Variants in FBXL7 observed in about 807,000 individuals in gnomAD.
The protein encoded by FBXL7 is F-box and leucine rich repeat protein 7, also known as F-box/LRR-repeat protein 7.
FBXL7 carries 12 observed loss-of-function variants against 38.3 expected under a neutral mutation model. The ratio of observed to expected loss-of-function variants is 0.31; its 90% CI spans 0.20 to 0.51. FBXL7 has a LOEUF of 0.51. Ranked by LOEUF, FBXL7 falls within the 20% of genes least tolerant of loss-of-function variation. FBXL7 has a pLI of 0.98. For missense variants in FBXL7, 567 were observed against 676.4 expected (o/e 0.84, Z 1.79); for synonymous variants, 297 against 300.9 (o/e 0.99, Z 0.13).
intron 2 of FBXL7, among the ~76,000 whole-genome samples, chr5:15,837,140 C>A (rs1320378855): frequency 6.6e-6 from 1 of 152,150 alleles, no homozygotes; most frequent in Admixed American, 6.5e-5. Context: ...TTGCCCAATT[C>A]AGACTAAAGC....
At chr5:15,929,013 A>G (rs1437826622) in intron 3 of FBXL7, among the ~76,000 whole-genome samples, 3 of 152,178 alleles carry the variant, frequency 2.0e-5, no homozygotes, top group Non-Finnish European at 4.4e-5. Context: ...ACAAAAGGCT[A>G]ACTCAAGCAC....
chr5:15,500,778 C>A (rs1010931938), intron 1 of FBXL7, 65 bp downstream of exon 1: 3 of 1,573,554 alleles, frequency 1.9e-6, no homozygotes, highest in Non-Finnish European at 2.6e-6. Flanking sequence ...CTCGCCCTCC[C>A]GACTGGGAAG....
chr5:15,737,023 C>T (rs1042103242), intron 2 of FBXL7, among the ~76,000 whole-genome samples: 1 of 152,134 alleles, frequency 6.6e-6, no homozygotes, highest in African/African-American at 2.4e-5. Context: ...CCTTCCATTT[C>T]ATCACTGAGG....
Position 15,936,592 on chromosome 5 carries a change from G to A in FBXL7, c.882G>A (p.Ala294=), listed in dbSNP as rs770492829. The A allele has an allele frequency of 1.1e-5, 18 of 1,611,566 alleles. No homozygotes were observed. Among genetic ancestry groups the A allele is most frequent in the Admixed American group, 1.7e-5 (1 of 60,008 alleles). Residue 294 remains alanine, a synonymous_variant, in exon 4 of 4, where the codon GCG becomes GCA. Transcript: ENST00000504595. The surrounding 1 kb of genome is among the most constrained non-coding windows in gnomAD (Gnocchi z 6.0). ...VLEDEGLHTI[A]AHCTQLTHLY... is the part of the protein sequence containing the mutation. The stretch of plus-strand genomic sequence containing the variant: ...AGGACGAAGGCCTGCACACCATCGC[G>A]GCGCACTGCACGCAGCTCACCCACC...
intron 2 of FBXL7, among the ~76,000 whole-genome samples, chr5:15,650,179 A>G (rs909896055): frequency 2.2e-4 from 33 of 152,172 alleles, no homozygotes; most frequent in African/African-American, 7.5e-4. Context: ...GCTTACAGGG[A>G]TATCTTAGAG....
intron 2 of FBXL7, among the ~76,000 whole-genome samples, chr5:15,725,136 C>G (rs954934356): frequency 6.6e-6 from 1 of 152,066 alleles, no homozygotes; most frequent in Non-Finnish European, 1.5e-5. Context: ...TCCATTTTAT[C>G]TCTGTTTTAA....
intron 2 of FBXL7, among the ~76,000 whole-genome samples, chr5:15,617,184 T>C (rs181537463): frequency 2.0e-5 from 3 of 152,356 alleles, no homozygotes; most frequent in Non-Finnish European, 2.9e-5. Flanking sequence ...AATTACCTTT[T>C]CTGGGTTAAT....
chr5:15,767,062 G>A (rs1736610579), intron 2 of FBXL7, among the ~76,000 whole-genome samples: 1 of 151,848 alleles, frequency 6.6e-6, no homozygotes, highest in African/African-American at 2.4e-5. Context: ...TGTTTTATAG[G>A]CAAACATGTG....
intron 1 of FBXL7, among the ~76,000 whole-genome samples, chr5:15,526,016 C>G (rs946571198): frequency 4.6e-5 from 7 of 152,082 alleles, no homozygotes; most frequent in African/African-American, 1.7e-4. Context: ...AAATACTGTT[C>G]TGTGTCCTTG....
At chr5:15,737,201 G>T (rs535708856) in intron 2 of FBXL7, among the ~76,000 whole-genome samples, 91 of 152,220 alleles carry the variant, frequency 6.0e-4, no homozygotes, top group Middle Eastern at 3.4e-3. Context: ...GAAGCTCTTT[G>T]TCTTATCTAT....
chr5:15,634,814 G>A (rs898629085), intron 2 of FBXL7, among the ~76,000 whole-genome samples: 1 of 151,980 alleles, frequency 6.6e-6, no homozygotes, highest in Non-Finnish European at 1.5e-5. Context: ...TTCCCATCTA[G>A]TTTCATGACC....
chr5:15,801,345 A>G (rs1737558377), intron 2 of FBXL7, among the ~76,000 whole-genome samples: 1 of 152,232 alleles, frequency 6.6e-6, no homozygotes, highest in African/African-American at 2.4e-5. Context: ...CCATAGGGCT[A>G]CTGTATTTAA....
At chr5:15,713,906 C>G (rs2126645077) in intron 2 of FBXL7, among the ~76,000 whole-genome samples, 1 of 152,266 alleles carries the variant, frequency 6.6e-6, no homozygotes, top group East Asian at 1.9e-4. Context: ...TCTTTAAATA[C>G]CTACACTGTC....
intron 1 of FBXL7, among the ~76,000 whole-genome samples, chr5:15,614,576 A>G (rs1019631241): frequency 8.5e-5 from 13 of 152,184 alleles, no homozygotes; most frequent in African/African-American, 3.1e-4. Context: ...ATCCAGCAGT[A>G]GTTTTCTATT....
intron 1 of FBXL7, among the ~76,000 whole-genome samples, chr5:15,612,510 C>T (rs550346008): frequency 5.4e-4 from 82 of 152,192 alleles, no homozygotes; most frequent in African/African-American, 1.9e-3. Flanking sequence ...TGAGAAGTTT[C>T]TCTGAAATTT....
At chr5:15,783,489 G>T (rs904428008) in intron 2 of FBXL7, among the ~76,000 whole-genome samples, 1 of 152,168 alleles carries the variant, frequency 6.6e-6, no homozygotes, top group Non-Finnish European at 1.5e-5. Flanking sequence ...TAACCAACAT[G>T]ACAGCAATGA....
At chr5:15,558,468 C>G (rs2126433430) in intron 1 of FBXL7, among the ~76,000 whole-genome samples, 1 of 152,292 alleles carries the variant, frequency 6.6e-6, no homozygotes, top group South Asian at 2.1e-4. Context: ...GGGGAGCCAG[C>G]CAAAGGAATC....
At chr5:15,775,341 G>A (rs930357224) in intron 2 of FBXL7, among the ~76,000 whole-genome samples, 1 of 151,922 alleles carries the variant, frequency 6.6e-6, no homozygotes, top group African/African-American at 2.4e-5. Context: ...GTTCTGTCAT[G>A]TTTTTGGAAG....
intron 2 of FBXL7, among the ~76,000 whole-genome samples, chr5:15,859,482 G>A (rs531765781): frequency 2.5e-4 from 38 of 152,244 alleles, no homozygotes; most frequent in Middle Eastern, 3.4e-3. Flanking sequence ...GCAAGACAAG[G>A]TAACTGATAA....
Sources: allele counts gnomAD v4.1 joint callset (sites outside exome capture counted in the v4.1 genomes callset), GRCh38; gene constraint gnomAD v4.1.1; non-coding constraint Gnocchi (gnomAD v3.1); transcripts MANE v1.5; gene names NCBI Gene and HGNC (gene_info 2026-07-23, HGNC 2026-07-21).